Variants in ARHGEF5 observed in about 807,000 individuals in gnomAD.
ARHGEF5 encodes the protein Rho guanine nucleotide exchange factor (GEF) 5.
Under a neutral mutation model 104.0 loss-of-function variants are expected in ARHGEF5, and 11 were observed. The ratio of observed to expected loss-of-function variants is 0.11; its 90% confidence interval spans 0.07 to 0.18. ARHGEF5 has a LOEUF of 0.18. ARHGEF5 is among the 10% of genes least tolerant of loss of function. The pLI, the probability that ARHGEF5 is intolerant of heterozygous loss-of-function variation, is 1.00. For missense variants in ARHGEF5, 165 were observed against 1,335.4 expected (o/e 0.12, Z 13.66); for synonymous variants, 60 against 512.2 (o/e 0.12, Z 11.92).
Position 144,378,625 on chromosome 7 carries a change from C to T in ARHGEF5, c.4532-137C>T, listed in dbSNP as rs1205787742. On this transcript the variant is annotated intron_variant, in intron 13 of 14. Transcript: ENST00000056217. ...TTCTTTATTAACCATTTTCAAATTT[C>T]CTCTTTTGTCTGTGACTTTCAACAG... is the stretch of plus-strand genomic sequence containing the variant. The T allele has an allele frequency of 2.6e-5, 17 of 666,364 alleles. No homozygotes were observed. The South Asian group carries it at 3.2e-4, about 13-fold the overall frequency. The allele number at this position is 666,364 out of a possible 1,614,324, so 41.3% of individuals were successfully genotyped here.
Position 144,379,784 on chromosome 7 carries a change from G to T in ARHGEF5, c.4637-115G>T, listed in dbSNP as rs929911488. ...ACACTTGGAGGCTGGGTTTATGCTG[G>T]AGGCTCCCCAGTTCACTCAGCCTGA... On this transcript the variant is annotated intron_variant, in intron 14 of 14. Coordinates refer to ENST00000056217, the MANE Select transcript of ARHGEF5 (RefSeq NM_005435.4). 5 of 1,386,642 alleles carry T rather than the reference G, an allele frequency of 3.6e-6. No homozygotes were observed. The African/African-American group carries it at 7.2e-5, about 20-fold the overall frequency. The allele number at this position is 1,386,642 out of a possible 1,614,324, so 85.9% of individuals were successfully genotyped here. A position where few individuals can be genotyped will look rare whatever the true frequency, so the allele number is the denominator to read the frequency against.
At chr7:144,378,735 C>A in intron 13 of ARHGEF5, 27 bp from the exon 14 acceptor site, 1 of 1,602,566 alleles carries the variant, frequency 6.2e-7, no homozygotes, top group South Asian at 1.1e-5. Context: ...CTCTCCTAAC[C>A]TCTCTTCACA....
chr7:144,378,706 C>G, intron 13 of ARHGEF5, 56 bp from the exon 14 acceptor site: 4 of 1,491,724 alleles, frequency 2.7e-6, no homozygotes, highest in South Asian at 1.2e-5. Flanking sequence ...AAGTCCCTGT[C>G]TGTGTTCCAA....
chr7:144,363,533 A>C lies in ARHGEF5; in HGVS notation c.864A>C (p.Gly288=). 1.3e-6 allele frequency: 2 copies of C among 1,520,930 alleles called. No individual in the cohort carries two copies. The highest frequency in any genetic ancestry group is 1.8e-6 in the Non-Finnish European group (2 of 1,101,470). The allele number at this position is 1,520,930 out of a possible 1,614,324, so 94.2% of individuals were successfully genotyped here. A position where few individuals can be genotyped will look rare whatever the true frequency, so the allele number is the denominator to read the frequency against. Reference sequence around the variant, plus strand: ...AAGATGTGATGCTTGGGAGACAAGGAGAAAGAATGGGGCTCACTGGGGAGC... The same window carrying C: ...AAGATGTGATGCTTGGGAGACAAGGCGAAAGAATGGGGCTCACTGGGGAGC... ...QVQDVMLGRQ[G]ERMGLTGEPE... is the part of the protein sequence containing the mutation. Residue 288 remains glycine (G), a synonymous_variant, in exon 2 of 15, where the codon GGA becomes GGC. Transcript: ENST00000056217.
chr7:144,372,919 G>A (rs1337807464), intron 9 of ARHGEF5, among the ~76,000 whole-genome samples, 162 bp downstream of exon 9: 2 of 137,812 alleles, frequency 1.5e-5, no homozygotes, highest in Non-Finnish European at 3.2e-5. Context: ...CACACCCCAC[G>A]GCCACCTCTC....
Position 144,380,221 on chromosome 7 carries a change from G to A in ARHGEF5, c.*165G>A, listed in dbSNP as rs1176835330. On this transcript the variant is annotated 3_prime_UTR_variant, in exon 15 of 15. Transcript: ENST00000056217. ...AGTCCCTCGGCCCAGGCCTCCTTTC[G>A]TGCTTTGTGCTTGGTGGGGGGGATT... 7 of 816,532 alleles carry A rather than the reference G, an allele frequency of 8.6e-6. No homozygotes were observed. Among genetic ancestry groups the A allele is most frequent in the Admixed American group, 2.9e-5 (1 of 34,720 alleles). The allele number at this position is 816,532 out of a possible 1,614,324, so 50.6% of individuals were successfully genotyped here. A position where few individuals can be genotyped will look rare whatever the true frequency, so the allele number is the denominator to read the frequency against.
At chr7:144,377,497 G>A (rs1271981434) in intron 13 of ARHGEF5, among the ~76,000 whole-genome samples, 2 of 152,074 alleles carry the variant, frequency 1.3e-5, no homozygotes, top group Non-Finnish European at 2.9e-5. Context: ...CTGCTTGAAG[G>A]TCTTGTTGGG....
intron 14 of ARHGEF5, 54 bp downstream of exon 14, chr7:144,378,920 T>A: frequency 6.6e-7 from 1 of 1,517,904 alleles, no homozygotes; most frequent in Non-Finnish European, 9.1e-7. Context: ...AGGGCAGTGC[T>A]GGGAGTGTGT....
chr7:144,377,210 G>A lies in ARHGEF5; in HGVS notation c.4531+20G>A. The A allele has an allele frequency of 7.2e-7, 1 of 1,396,762 alleles. No homozygotes were observed. Among genetic ancestry groups the A allele is most frequent in the Non-Finnish European group, 9.5e-7 (1 of 1,047,774 alleles). 86.5% of individuals were successfully genotyped at this position (1,396,762 alleles called of 1,614,324 possible). On this transcript the variant is annotated intron_variant, in intron 13 of 14. Coordinates refer to ENST00000056217, the MANE Select transcript of ARHGEF5 (RefSeq NM_005435.4). ...GTTACAGTGAGTGAGGGTCTAAGAG[G>A]GAGAGAAAAGAAAGCAGGGTCAGAT...
chr7:144,370,640 AT>A (rs573290120), intron 5 of ARHGEF5, among the ~76,000 whole-genome samples: 458 of 149,340 alleles, frequency 3.1e-3, no homozygotes, highest in African/African-American at 0.011. Context: ...TAATTTTTGT[AT>A]TTTTTGTAGA....
rs1373551144 is a variant in ARHGEF5 at position 144,373,490 on chromosome 7, G to C, written c.4140+206G>C. ...AGTGAAATGATGAAGGTAAAGAATT[G>C]TGTGTATATTATATCACCTTTGGTA... On this transcript the variant is annotated intron_variant, in intron 10 of 14. Coordinates refer to ENST00000056217, the MANE Select transcript of ARHGEF5 (RefSeq NM_005435.4). Among the ~76,000 whole-genome samples, 2 of 85,692 alleles carry C rather than the reference G, an allele frequency of 2.3e-5. 1 individual carries two copies. The highest frequency in any genetic ancestry group is 4.8e-5 in the Non-Finnish European group (2 of 41,806). 56.2% of individuals were successfully genotyped at this position (85,692 alleles called of 152,430 possible). A position where few individuals can be genotyped will look rare whatever the true frequency, so the allele number is the denominator to read the frequency against.
intron 14 of ARHGEF5, 70 bp from the exon 15 acceptor site, chr7:144,379,829 G>A: frequency 6.3e-7 from 1 of 1,589,634 alleles, no homozygotes; most frequent in Non-Finnish European, 8.6e-7. Flanking sequence ...AAACTCTCCA[G>A]GAAGGTGATC....
At chr7:144,357,699 C>G (rs2053607919) in intron 1 of ARHGEF5, among the ~76,000 whole-genome samples, 3 of 151,784 alleles carry the variant, frequency 2.0e-5, no homozygotes, top group Non-Finnish European at 2.9e-5. Context: ...TTTCTAGTGA[C>G]TAGAAATAGA....
At chr7:144,369,500 C>G (rs2053707547) in intron 5 of ARHGEF5, among the ~76,000 whole-genome samples, 1 of 70,246 alleles carries the variant, frequency 1.4e-5, no homozygotes, top group African/African-American at 8.9e-5. Context: ...ATGCATTAAA[C>G]CACAGCTGCG....
At position 144,380,243 on chromosome 7, in the gene ARHGEF5, G is replaced by A. The variant is rs2053791841; in HGVS notation, c.*187G>A. 1 of 660,512 alleles carries A rather than the reference G, an allele frequency of 1.5e-6. No homozygotes were observed. The highest frequency in any genetic ancestry group is 2.5e-6 in the Non-Finnish European group (1 of 404,370). 40.9% of individuals were successfully genotyped at this position (660,512 alleles called of 1,614,324 possible). A position where few individuals can be genotyped will look rare whatever the true frequency, so the allele number is the denominator to read the frequency against. Reference sequence around the variant, plus strand: ...TTCGTGCTTTGTGCTTGGTGGGGGGGATTTCGAGGGACTTTGCACTGGACT... The same window carrying A: ...TTCGTGCTTTGTGCTTGGTGGGGGGAATTTCGAGGGACTTTGCACTGGACT... On this transcript the variant is annotated 3_prime_UTR_variant, in exon 15 of 15. Transcript: ENST00000056217.
Position 144,364,708 on chromosome 7 carries a change from TAG to T in ARHGEF5, c.2045_2046del (p.Arg682ThrfsTer15). On this transcript the variant is annotated frameshift_variant, in exon 2 of 15. Transcript: ENST00000056217. LOFTEE classifies it high-confidence loss of function. ...GACTCTCAAGAATCCATCTCAAATCTAGAGAGACCCAGCAGTCCTCCCAGCAT... is the reference window on the plus strand; with the variant it reads ...GACTCTCAAGAATCCATCTCAAATCTAGAGACCCAGCAGTCCTCCCAGCAT... 3.4e-6 allele frequency: 1 copy of T among 293,244 alleles called. No individual in the cohort carries two copies. Among genetic ancestry groups the T allele is most frequent in the Non-Finnish European group, 5.9e-6 (1 of 168,690 alleles). 18.2% of individuals were successfully genotyped at this position (293,244 alleles called of 1,614,324 possible). A position where few individuals can be genotyped will look rare whatever the true frequency, so the allele number is the denominator to read the frequency against.
intron 10 of ARHGEF5, among the ~76,000 whole-genome samples, chr7:144,373,538 T>G (rs868231230): frequency 0.028 from 2,228 of 80,494 alleles, 28 homozygotes; most frequent in Non-Finnish European, 0.04. Flanking sequence ...GATACAAATC[T>G]ATACAGGTGT....
Position 144,379,756 on chromosome 7 carries a change from A to G in ARHGEF5, c.4637-143A>G, listed in dbSNP as rs1348457821. ...TGGCCACACCCAGGGCCGCCATGTT[A>G]GGACACTTGGAGGCTGGGTTTATGC... On this transcript the variant is annotated intron_variant, in intron 14 of 14. Coordinates refer to ENST00000056217, the MANE Select transcript of ARHGEF5 (RefSeq NM_005435.4). The G allele has an allele frequency of 1.1e-5, 12 of 1,079,372 alleles. No individual in the cohort carries two copies. The South Asian group carries it at 1.2e-4, about 11-fold the overall frequency. 66.9% of individuals were successfully genotyped at this position (1,079,372 alleles called of 1,614,324 possible). A position where few individuals can be genotyped will look rare whatever the true frequency, so the allele number is the denominator to read the frequency against.
Position 144,379,987 on chromosome 7 carries a change from T to A in ARHGEF5, c.4725T>A (p.Arg1575=). The A allele has an allele frequency of 6.2e-7, 1 of 1,614,194 alleles. No individual in the cohort carries two copies. The highest frequency in any genetic ancestry group is 8.5e-7 in the Non-Finnish European group (1 of 1,180,036). ...AGTTCATTTCCAACCCAGAGGTCCG[T>A]GCACAGAACCTGAAGGAAGCTCATC... The part of the protein sequence containing the change: ...QVEFISNPEV[R]AQNLKEAHRV... The change falls in exon 15 of 15, where the codon CGT becomes CGA. Residue 1575 remains arginine, a synonymous_variant. Coordinates refer to ENST00000056217, the MANE Select transcript of ARHGEF5 (RefSeq NM_005435.4).
Sources: gnomAD v4.1 joint callset for allele counts (sites outside exome capture counted in the v4.1 genomes callset) on GRCh38, gnomAD v4.1.1 for gene constraint, MANE v1.5 for transcripts, NCBI Gene and HGNC (gene_info 2026-07-23, HGNC 2026-07-21) for gene names.